PCDH9: variants seen among roughly 807,000 people sequenced by gnomAD.
PCDH9 encodes protocadherin 9, also known as protocadherin-9.
In PCDH9, 24 loss-of-function variants were observed where a neutral mutation model predicts 70.6. That is an observed-to-expected ratio of 0.34 (90% confidence interval 0.25 to 0.48). The LOEUF (loss-of-function observed/expected upper bound fraction) is 0.48, where lower values mean the gene tolerates loss of function less well. PCDH9 is among the 20% of genes least tolerant of loss of function. The pLI is 0.99. For missense variants in PCDH9, 1,281 were observed against 1,503.6 expected (o/e 0.85, Z 2.45); for synonymous variants, 562 against 558.5 (o/e 1.01, Z -0.09).
At chr13:66,770,965 C>T (rs959964370) in intron 3 of PCDH9, among the ~76,000 whole-genome samples, 7 of 152,226 alleles carry the variant, frequency 4.6e-5, no homozygotes, top group Non-Finnish European at 1.0e-4. Flanking sequence ...CTCCTACATA[C>T]CTTTCAGGAC....
intron 2 of PCDH9, among the ~76,000 whole-genome samples, chr13:67,016,736 T>G (rs1205497992): frequency 6.6e-6 from 1 of 152,212 alleles, no homozygotes; most frequent in Non-Finnish European, 1.5e-5. Context: ...CACATTTGAC[T>G]TGTTTCATAG....
At chr13:67,096,183 C>T (rs2086315402) in intron 2 of PCDH9, among the ~76,000 whole-genome samples, 1 of 152,074 alleles carries the variant, frequency 6.6e-6, no homozygotes, top group African/African-American at 2.4e-5. Context: ...AGAAGTAACA[C>T]AAGATAAATC....
intron 4 of PCDH9, among the ~76,000 whole-genome samples, chr13:66,537,378 A>C (rs1960751306): frequency 6.6e-6 from 1 of 152,108 alleles, no homozygotes; most frequent in Non-Finnish European, 1.5e-5. Context: ...ATTGGTATAC[A>C]TATTTTGATA....
At chr13:67,019,824 G>A (rs979362215) in intron 2 of PCDH9, among the ~76,000 whole-genome samples, 2 of 152,168 alleles carry the variant, frequency 1.3e-5, no homozygotes, top group Non-Finnish European at 1.5e-5. Context: ...GGCAGCAGAG[G>A]TGAGTACCAA....
chr13:66,454,189 A>G (rs1958271510), intron 4 of PCDH9, among the ~76,000 whole-genome samples: 1 of 152,082 alleles, frequency 6.6e-6, no homozygotes, highest in Non-Finnish European at 1.5e-5. Context: ...TTCTAAAACT[A>G]ATTTGCAGCT....
At chr13:66,967,552 A>G (rs2083450591) in intron 2 of PCDH9, among the ~76,000 whole-genome samples, 1 of 152,040 alleles carries the variant, frequency 6.6e-6, no homozygotes, top group Non-Finnish European at 1.5e-5. Context: ...TGAGACATAC[A>G]TGCATATTTA....
chr13:66,928,037 T>C (rs1447437638), intron 2 of PCDH9, among the ~76,000 whole-genome samples: 2 of 151,946 alleles, frequency 1.3e-5, no homozygotes, highest in Non-Finnish European at 1.5e-5. Flanking sequence ...AGAGTAAGGG[T>C]GGAAATTTTT....
At chr13:66,713,993 G>A (rs918387117) in intron 3 of PCDH9, among the ~76,000 whole-genome samples, 2 of 151,744 alleles carry the variant, frequency 1.3e-5, no homozygotes, top group Admixed American at 1.3e-4. Flanking sequence ...TTGGCAAATT[G>A]GTTTATTGTT....
chr13:66,623,126 A>T lies in PCDH9; in HGVS notation c.3340+8084T>A, dbSNP rs1170779149. On this transcript the variant is annotated intron_variant, in intron 4 of 4. Transcript: ENST00000377865. Reference sequence around the variant, plus strand: ...CAGACACGCCGCCTTTAAGAACTGTAACACTCACCGCGAGGGTCCGCGGCT... The same window carrying T: ...CAGACACGCCGCCTTTAAGAACTGTTACACTCACCGCGAGGGTCCGCGGCT... Among the ~76,000 whole-genome samples the T allele has an allele frequency of 3.9e-5, 6 of 152,238 alleles. No individual in the cohort carries two copies. The East Asian group carries it at 9.6e-4, about 24-fold the overall frequency.
chr13:66,545,878 T>C (rs1285887935), intron 4 of PCDH9, among the ~76,000 whole-genome samples: 2 of 151,482 alleles, frequency 1.3e-5, no homozygotes, highest in Admixed American at 1.3e-4. Flanking sequence ...CTCACTCTGT[T>C]GCCCAGGCTG....
chr13:67,140,025 ACCCCCCCC>A (rs34514187), intron 2 of PCDH9, among the ~76,000 whole-genome samples: 5 of 65,938 alleles, frequency 7.6e-5, no homozygotes, highest in Non-Finnish European at 1.4e-4. Context: ...TTTTTTGATC[ACCCCCCCC>A]CCCCCGCCCA....
chr13:66,454,595 A>G (rs983740524), intron 4 of PCDH9, among the ~76,000 whole-genome samples: 7 of 152,154 alleles, frequency 4.6e-5, no homozygotes, highest in Admixed American at 6.6e-5. Context: ...CTATCTCTTC[A>G]TGGAGGACTT....
rs577170691 is a variant in PCDH9 at position 66,456,974 on chromosome 13, A to G, written c.3341-151946T>C. Among the ~76,000 whole-genome samples, 58 of 152,242 alleles carry G rather than the reference A, an allele frequency of 3.8e-4. 1 individual carries two copies. The highest frequency in any genetic ancestry group is 1.3e-3 in the African/African-American group (55 of 41,566). ...TGTACCCGTTCGTAATTGTGTTCTT[A>G]TGAAAGTGCCCAAAAGTAATTACTA... On this transcript the variant is annotated intron_variant, in intron 4 of 4. Transcript: ENST00000377865.
At chr13:66,386,644 A>C (rs1956935065) in intron 4 of PCDH9, among the ~76,000 whole-genome samples, 1 of 152,162 alleles carries the variant, frequency 6.6e-6, no homozygotes, top group South Asian at 2.1e-4. Context: ...GCATTCCAAA[A>C]GTTATGGGGT....
intron 4 of PCDH9, among the ~76,000 whole-genome samples, chr13:66,502,371 G>A (rs1959181155): frequency 6.6e-6 from 1 of 152,070 alleles, no homozygotes; most frequent in African/African-American, 2.4e-5. Context: ...GGGCAGAGCT[G>A]TTCCATATAA....
chr13:67,005,717 G>T (rs2084337206), intron 2 of PCDH9, among the ~76,000 whole-genome samples: 1 of 152,150 alleles, frequency 6.6e-6, no homozygotes, highest in African/African-American at 2.4e-5. Context: ...CCAAAGTAAA[G>T]AAATGCATTT....
At chr13:66,368,728 T>A (rs962941100) in intron 4 of PCDH9, among the ~76,000 whole-genome samples, 1 of 152,000 alleles carries the variant, frequency 6.6e-6, no homozygotes, top group Non-Finnish European at 1.5e-5. Context: ...CTGGGCAATT[T>A]ACAAAATAAA....
intron 2 of PCDH9, among the ~76,000 whole-genome samples, chr13:66,917,662 A>T (rs2082577965): frequency 6.6e-6 from 1 of 151,422 alleles, no homozygotes; most frequent in East Asian, 1.9e-4. Context: ...CGCAAGACAG[A>T]ATCTGCCATA....
chr13:66,701,059 T>G (rs1333049021), intron 3 of PCDH9, among the ~76,000 whole-genome samples: 1 of 149,928 alleles, frequency 6.7e-6, no homozygotes, highest in East Asian at 2.0e-4. Flanking sequence ...GTTTTTAAGT[T>G]AAGTTTTCTC....
Sources: allele counts gnomAD v4.1 joint callset (sites outside exome capture counted in the v4.1 genomes callset), GRCh38; gene constraint gnomAD v4.1.1; transcripts MANE v1.5; gene names NCBI Gene and HGNC (gene_info 2026-07-23, HGNC 2026-07-21).